TENM3: variants seen among roughly 807,000 people sequenced by gnomAD.
The protein encoded by TENM3 is teneurin-3.
A neutral mutation model predicts 255.1 loss-of-function variants in TENM3; 63 were observed. The observed-to-expected ratio is 0.25, with a 90% CI of 0.20 to 0.30. The LOEUF (loss-of-function observed/expected upper bound fraction) is 0.30, where lower values mean the gene tolerates loss of function less well. Ranked by LOEUF, TENM3 falls within the 10% of genes least tolerant of loss-of-function variation. TENM3 has a pLI of 1.00. For synonymous variants in TENM3, 1,306 were observed against 1,322.3 expected (o/e 0.99, Z 0.27); for missense variants, 2,929 against 3,461.1 (o/e 0.85, Z 3.86).
chr4:182,666,677 G>A lies in TENM3; in HGVS notation c.1112-6328G>A, dbSNP rs536204377. 1.1e-3 allele frequency among the ~76,000 whole-genome samples: 171 copies of A among 152,196 alleles called. 1 individual carries two copies. The highest frequency in any genetic ancestry group is 3.7e-3 in the African/African-American group (154 of 41,534). On this transcript the variant is annotated intron_variant, in intron 6 of 27. Coordinates refer to ENST00000511685, the MANE Select transcript of TENM3 (RefSeq NM_001080477.4). ...TTTGGGTGGCCGAGGCTGGTGGATCGCTTGAGTCCAAGAGTTTTAGACCAG... is the reference window on the plus strand; with the variant it reads ...TTTGGGTGGCCGAGGCTGGTGGATCACTTGAGTCCAAGAGTTTTAGACCAG...
chr4:181,921,211 G>A, the TENM3 span, among the ~76,000 whole-genome samples: 4 of 152,186 alleles, frequency 2.6e-5, no homozygotes, highest in East Asian at 3.9e-4. Context: ...TGACTTGGCA[G>A]TGCGGCCTCT....
chr4:181,835,173 T>C, the TENM3 span: 1 of 151,852 alleles, frequency 6.6e-6, no homozygotes, highest in Non-Finnish European at 1.5e-5. Context: ...GAAACTGAAC[T>C]AGATTTTCAA....
the TENM3 span, among the ~76,000 whole-genome samples, chr4:181,461,010 T>A: frequency 1.3e-5 from 2 of 152,180 alleles, no homozygotes; most frequent in African/African-American, 2.4e-5. Context: ...ATGATTTTCC[T>A]CTTGCTTGAT....
At chr4:182,159,442 GT>G (rs1750941933) in intron 1 of TENM3, among the ~76,000 whole-genome samples, 1 of 107,394 alleles carries the variant, frequency 9.3e-6, no homozygotes, top group South Asian at 3.5e-4. Context: ...TGGATAGTGT[GT>G]ATGAGTGTGT....
Position 182,778,157 on chromosome 4 carries a change from G to T in TENM3, c.5304+3004G>T, listed in dbSNP as rs1171244857. Among the ~76,000 whole-genome samples the T allele has an allele frequency of 2.0e-5, 3 of 152,078 alleles. No homozygotes were observed. The East Asian group carries it at 5.8e-4, about 29-fold the overall frequency. On this transcript the variant is annotated intron_variant, in intron 24 of 27. Transcript: ENST00000511685. ...ATATTCCTAGGTTTTATCAGGGCTGGATTGTAGAACCTGCCTTCAGTCAAT... is the reference window on the plus strand; with the variant it reads ...ATATTCCTAGGTTTTATCAGGGCTGTATTGTAGAACCTGCCTTCAGTCAAT...
At chr4:182,610,288 A>C (rs191725660) in intron 4 of TENM3, among the ~76,000 whole-genome samples, 1 of 152,172 alleles carries the variant, frequency 6.6e-6, no homozygotes, top group African/African-American at 2.4e-5. Flanking sequence ...TTAGTCTTAC[A>C]GTGTACCAGT....
chr4:181,804,401 C>G, the TENM3 span, among the ~76,000 whole-genome samples: 1 of 152,048 alleles, frequency 6.6e-6, no homozygotes, highest in East Asian at 1.9e-4. Flanking sequence ...CTATCCAGCC[C>G]TAAAGGGGAA....
intron 3 of TENM3, among the ~76,000 whole-genome samples, chr4:182,594,082 G>A (rs1395125690): frequency 1.3e-5 from 2 of 152,136 alleles, no homozygotes; most frequent in African/African-American, 2.4e-5. Flanking sequence ...TGACTAGGCC[G>A]AACTTCATGA....
At chr4:182,259,368 A>G (rs1334872000) in intron 1 of TENM3, among the ~76,000 whole-genome samples, 1 of 152,200 alleles carries the variant, frequency 6.6e-6, no homozygotes, top group African/African-American at 2.4e-5. Context: ...GCTGGAGTGT[A>G]GTGGTGCAAA....
At chr4:181,721,533 G>C in the TENM3 span, among the ~76,000 whole-genome samples, 1 of 70,030 alleles carries the variant, frequency 1.4e-5, no homozygotes, top group African/African-American at 4.4e-5. Flanking sequence ...CCGGGAGGCG[G>C]AGCTTGCAGT....
chr4:181,470,586 C>G, the TENM3 span, among the ~76,000 whole-genome samples: 1 of 152,276 alleles, frequency 6.6e-6, no homozygotes, highest in East Asian at 1.9e-4. Context: ...CCTACTGAAG[C>G]ATTTCTTCCT....
intron 3 of TENM3, among the ~76,000 whole-genome samples, chr4:182,406,425 CA>C (rs1362916322): frequency 6.6e-6 from 1 of 152,084 alleles, no homozygotes; most frequent in Non-Finnish European, 1.5e-5. Context: ...TAAAGTATTT[CA>C]AAAGAAGAAT....
chr4:182,690,452 A>G (rs1397837442), intron 12 of TENM3, among the ~76,000 whole-genome samples: 3 of 152,196 alleles, frequency 2.0e-5, no homozygotes, highest in African/African-American at 7.2e-5. Flanking sequence ...CAGAATGCCT[A>G]TATACCAGAG....
the TENM3 span, among the ~76,000 whole-genome samples, chr4:181,651,678 A>G: frequency 6.6e-6 from 1 of 152,216 alleles, no homozygotes; most frequent in African/African-American, 2.4e-5. Context: ...GAGTAGACAG[A>G]AAAAACAAGA....
chr4:182,061,138 G>C, the TENM3 span, among the ~76,000 whole-genome samples: 1 of 152,128 alleles, frequency 6.6e-6, no homozygotes, highest in South Asian at 2.1e-4. Context: ...GAGAGCAGGG[G>C]GCCCGTTTGA....
chr4:181,880,821 T>C, the TENM3 span, among the ~76,000 whole-genome samples: 1 of 152,130 alleles, frequency 6.6e-6, no homozygotes, highest in African/African-American at 2.4e-5. Flanking sequence ...CTTCTCCTTG[T>C]GACAAAATCA....
chr4:182,252,420 G>A (rs185085354), intron 1 of TENM3, among the ~76,000 whole-genome samples: 2 of 152,084 alleles, frequency 1.3e-5, no homozygotes, highest in Non-Finnish European at 2.9e-5. Flanking sequence ...TTTAAATAAC[G>A]ATGTGATTTA....
At chr4:182,758,619 G>A (rs1041857807) in intron 22 of TENM3, among the ~76,000 whole-genome samples, 3 of 152,108 alleles carry the variant, frequency 2.0e-5, no homozygotes, top group Non-Finnish European at 4.4e-5. Flanking sequence ...CCGACTCCCA[G>A]AATATTAGTA....
At chr4:182,004,314 G>A in the TENM3 span, among the ~76,000 whole-genome samples, 5 of 152,034 alleles carry the variant, frequency 3.3e-5, no homozygotes, top group South Asian at 2.1e-4. Context: ...GAAAACATGC[G>A]GTGTTTGGTT....
Sources: gnomAD v4.1 joint callset for allele counts (sites outside exome capture counted in the v4.1 genomes callset) on GRCh38, gnomAD v4.1.1 for gene constraint, MANE v1.5 for transcripts, NCBI Gene and HGNC (gene_info 2026-07-23, HGNC 2026-07-21) for gene names.